Variants in PRKCE observed in about 807,000 individuals in gnomAD.
PRKCE encodes protein kinase C epsilon type.
In PRKCE, 16 loss-of-function variants were observed where a neutral mutation model predicts 85.4. That is an observed-to-expected ratio of 0.19 (90% CI 0.13 to 0.28). The LOEUF is 0.28. PRKCE is among the 10% of genes least tolerant of loss of function. The probability of loss-of-function intolerance (pLI) is 1.00; values close to 1 mark genes in which losing one functional copy is unlikely to be tolerated. For missense variants in PRKCE, 573 were observed against 975.2 expected (o/e 0.59, Z 5.49); for synonymous variants, 388 against 371.5 (o/e 1.04, Z -0.51).
intron 1 of PRKCE, among the ~76,000 whole-genome samples, chr2:45,724,511 A>G (rs1459579831): frequency 6.6e-6 from 1 of 152,212 alleles, no homozygotes; most frequent in Non-Finnish European, 1.5e-5. Context: ...TGAAATCAAA[A>G]CTAGAAATGA....
intron 1 of PRKCE, among the ~76,000 whole-genome samples, chr2:45,839,176 T>G (rs538536385): frequency 6.6e-6 from 1 of 152,020 alleles, no homozygotes; most frequent in Non-Finnish European, 1.5e-5. Flanking sequence ...GTGCTTTGCA[T>G]GTATGTTTCA....
intron 1 of PRKCE, among the ~76,000 whole-genome samples, chr2:45,720,809 T>C (rs534395324): frequency 6.6e-6 from 1 of 152,274 alleles, no homozygotes; most frequent in East Asian, 1.9e-4. Context: ...CTTTTAGTTC[T>C]CAGAAAAATC....
At chr2:45,838,486 C>T (rs1458827971) in intron 1 of PRKCE, among the ~76,000 whole-genome samples, 1 of 152,158 alleles carries the variant, frequency 6.6e-6, no homozygotes, top group East Asian at 1.9e-4. Flanking sequence ...TGTCATTGCC[C>T]TTCTTTCATG....
intron 1 of PRKCE, among the ~76,000 whole-genome samples, chr2:45,660,422 C>A (rs1675584924): frequency 6.6e-6 from 1 of 152,136 alleles, no homozygotes; most frequent in Admixed American, 6.5e-5. Context: ...GAATTTTCTA[C>A]CCTCTGAGTG....
intron 1 of PRKCE, among the ~76,000 whole-genome samples, chr2:45,741,290 A>G (rs1242101734): frequency 6.6e-6 from 1 of 152,246 alleles, no homozygotes; most frequent in Non-Finnish European, 1.5e-5. Context: ...GAACAGCTGT[A>G]ACAAAGTTTC....
chr2:45,754,288 C>T lies in PRKCE; in HGVS notation c.349-88712C>T, dbSNP rs572463965. 1.2e-4 allele frequency among the ~76,000 whole-genome samples: 18 copies of T among 152,270 alleles called. No individual in the cohort carries two copies. The South Asian group carries it at 3.5e-3, about 30-fold the overall frequency. On this transcript the variant is annotated intron_variant, in intron 1 of 14. Coordinates refer to ENST00000306156, the MANE Select transcript of PRKCE (RefSeq NM_005400.3). ...TCTTTCATCTGAAGAGGCAAGGAGG[C>T]CAGGCATGTGACTTCTAGATCAGTG...
At chr2:45,653,370 G>GTTTTT (rs34888247) in intron 1 of PRKCE, among the ~76,000 whole-genome samples, 2,091 of 61,354 alleles carry the variant, frequency 0.034, 105 homozygotes, top group Middle Eastern at 0.042. Context: ...TTTTTGGGTT[G>GTTTTT]TTTTTTTTTT....
intron 6 of PRKCE, among the ~76,000 whole-genome samples, chr2:45,993,887 G>T (rs1704014042): frequency 6.6e-6 from 1 of 152,090 alleles, no homozygotes; most frequent in Non-Finnish European, 1.5e-5. Context: ...GCCTGGCTGC[G>T]CTGGAGTTTT....
At chr2:45,881,811 T>C (rs769730799) in intron 2 of PRKCE, among the ~76,000 whole-genome samples, 1 of 152,182 alleles carries the variant, frequency 6.6e-6, no homozygotes, top group East Asian at 1.9e-4. Context: ...GGGAACGAGA[T>C]TGAATTTTAA....
chr2:45,884,976 TATATATATATATATATATATATATA>T lies in PRKCE; in HGVS notation c.412+41914_412+41938del, dbSNP rs1695153876. On this transcript the variant is annotated intron_variant, in intron 2 of 14. Transcript: ENST00000306156. The stretch of plus-strand genomic sequence containing the variant: ...ATCCATATATATATATATATATATA[TATATATATATATATATATATATATA>T]TTTGTTGTTGTTGTTGTTGTTTTAC... Among the ~76,000 whole-genome samples the T allele has an allele frequency of 1.4e-4, 10 of 69,156 alleles. 1 individual carries two copies. Among genetic ancestry groups the T allele is most frequent in the African/African-American group, 2.6e-4 (6 of 23,072 alleles). 45.4% of individuals were successfully genotyped at this position (69,156 alleles called of 152,430 possible).
chr2:46,026,787 C>G (rs1325906451), intron 10 of PRKCE, among the ~76,000 whole-genome samples: 1 of 152,170 alleles, frequency 6.6e-6, no homozygotes, highest in African/African-American at 2.4e-5. Context: ...AGGAAAGAAG[C>G]AAGTCCCAGA....
In PRKCE at chr2:45,944,655, A is replaced by ATTTTTTTT. The variant is rs71394861; in HGVS notation, c.413-31754_413-31747dup. Reference sequence around the variant, plus strand: ...AGGTGCGTGCCACCATACCCGGCTAATTTTTTTTTTTTTTTTTTTTTTTTT... The same window carrying ATTTTTTTT: ...AGGTGCGTGCCACCATACCCGGCTAATTTTTTTTTTTTTTTTTTTTTTTTTTTTTTTTT... On this transcript the variant is annotated intron_variant, in intron 2 of 14. Coordinates refer to ENST00000306156, the MANE Select transcript of PRKCE (RefSeq NM_005400.3). Among the ~76,000 whole-genome samples, 625 of 75,606 alleles carry ATTTTTTTT rather than the reference A, an allele frequency of 8.3e-3. 71 individuals are homozygous for ATTTTTTTT. The highest frequency in any genetic ancestry group is 0.021 in the Middle Eastern group (1 of 48). 49.6% of individuals were successfully genotyped at this position (75,606 alleles called of 152,430 possible). A position where few individuals can be genotyped will look rare whatever the true frequency, so the allele number is the denominator to read the frequency against.
Position 45,788,782 on chromosome 2 carries a change from G to C in PRKCE, c.349-54218G>C, listed in dbSNP as rs10210802. ...CTTTCTGTCTAAAGTAGGCAAAGTA[G>C]TGCTATTCTCGGGATTTTTAGGTCT... On this transcript the variant is annotated intron_variant, in intron 1 of 14. Coordinates refer to ENST00000306156, the MANE Select transcript of PRKCE (RefSeq NM_005400.3). 5.5e-3 allele frequency among the ~76,000 whole-genome samples: 833 copies of C among 152,316 alleles called. 9 individuals are homozygous for C. The highest frequency in any genetic ancestry group is 0.019 in the African/African-American group (793 of 41,564).
At chr2:45,706,606 T>C (rs1015121057) in intron 1 of PRKCE, among the ~76,000 whole-genome samples, 1 of 152,232 alleles carries the variant, frequency 6.6e-6, no homozygotes, top group Non-Finnish European at 1.5e-5. Context: ...TTTGCACATG[T>C]CTCAATCTCT....
Position 46,139,361 on chromosome 2 carries a change from T to C in PRKCE, c.1593-5732T>C, listed in dbSNP as rs1189705469. Among the ~76,000 whole-genome samples the C allele has an allele frequency of 6.6e-6, 1 of 152,168 alleles. No individual in the cohort carries two copies. Among genetic ancestry groups the C allele is most frequent in the African/African-American group, 2.4e-5 (1 of 41,430 alleles). On this transcript the variant is annotated intron_variant, in intron 11 of 14. Transcript: ENST00000306156. This position sits in a 1 kb window ranked among gnomAD's most constrained non-coding sequence, Gnocchi z 5.2. ...GATAAACATAAATCAATACCTAGCC[T>C]ATACATGTGTGAGCAGATAGAAGAT...
At chr2:45,928,486 C>A (rs1254083481) in intron 2 of PRKCE, among the ~76,000 whole-genome samples, 1 of 152,196 alleles carries the variant, frequency 6.6e-6, no homozygotes, top group African/African-American at 2.4e-5. Flanking sequence ...CCAGACTGGT[C>A]TCCAACTTCT....
intron 14 of PRKCE, among the ~76,000 whole-genome samples, chr2:46,163,056 T>C (rs1677933967): frequency 6.6e-6 from 1 of 152,084 alleles, no homozygotes; most frequent in Non-Finnish European, 1.5e-5. Flanking sequence ...TCACTTGAGG[T>C]TTTCATACGC....
At chr2:46,089,943 T>C (rs1215642065) in intron 11 of PRKCE, among the ~76,000 whole-genome samples, 1 of 152,176 alleles carries the variant, frequency 6.6e-6, no homozygotes, top group Non-Finnish European at 1.5e-5. Context: ...TCCTAATCTG[T>C]GTCTGCATCA....
intron 10 of PRKCE, among the ~76,000 whole-genome samples, chr2:46,021,513 C>T (rs1440714674): frequency 6.6e-6 from 1 of 152,144 alleles, no homozygotes; most frequent in Non-Finnish European, 1.5e-5. Flanking sequence ...GCAAAGGCCT[C>T]CTGCTTGTGA....
Sources: allele counts gnomAD v4.1 joint callset (sites outside exome capture counted in the v4.1 genomes callset), GRCh38; gene constraint gnomAD v4.1.1; non-coding constraint Gnocchi (gnomAD v3.1); transcripts MANE v1.5; gene names NCBI Gene and HGNC (gene_info 2026-07-23, HGNC 2026-07-21).